GRIA4: variants seen among roughly 807,000 people sequenced by gnomAD.
The protein encoded by GRIA4 is glutamate ionotropic receptor AMPA type subunit 4.
In GRIA4, 34 loss-of-function variants were observed where a neutral mutation model predicts 104.0. The ratio of observed to expected loss-of-function variants is 0.33; its 90% CI spans 0.25 to 0.44. The LOEUF is 0.44. Among genes scored for constraint, GRIA4 ranks in the 20% least tolerant of loss-of-function variants. The pLI, the probability that GRIA4 is intolerant of heterozygous loss-of-function variation, is 1.00. For missense variants in GRIA4, 750 were observed against 1,096.5 expected, an observed-to-expected ratio of 0.68 and a Z score of 4.46; for synonymous variants, 386 against 381.9, an observed-to-expected ratio of 1.01 and a Z score of -0.13.
At chr11:105,876,289 T>G (rs1400726235) in intron 5 of GRIA4, among the ~76,000 whole-genome samples, 1 of 152,186 alleles carries the variant, frequency 6.6e-6, no homozygotes, top group Non-Finnish European at 1.5e-5. Flanking sequence ...CTGTTTGTTA[T>G]GATTTTTGTT....
intron 3 of GRIA4, among the ~76,000 whole-genome samples, chr11:105,743,456 C>T (rs1939448303): frequency 6.6e-6 from 1 of 152,120 alleles, no homozygotes; most frequent in South Asian, 2.1e-4. Flanking sequence ...CCTATTCCTC[C>T]AATAATATCT....
chr11:105,680,994 C>T (rs140688549), intron 3 of GRIA4, among the ~76,000 whole-genome samples: 105 of 152,260 alleles, frequency 6.9e-4, no homozygotes, highest in African/African-American at 2.1e-3. Flanking sequence ...GGGAAGCCCT[C>T]TCTAGAGAGG....
intron 4 of GRIA4, among the ~76,000 whole-genome samples, chr11:105,757,144 A>G (rs1940360324): frequency 6.6e-6 from 1 of 152,204 alleles, no homozygotes; most frequent in African/African-American, 2.4e-5. Flanking sequence ...TGCCTTCATT[A>G]AACCAGATTC....
intron 5 of GRIA4, among the ~76,000 whole-genome samples, chr11:105,883,355 G>A (rs374127817): frequency 1.3e-5 from 2 of 149,916 alleles, no homozygotes; most frequent in Admixed American, 6.7e-5. Flanking sequence ...GTATACATGC[G>A]CCATGTTGGT....
At chr11:105,904,641 T>C (rs1456827467) in intron 8 of GRIA4, among the ~76,000 whole-genome samples, 2 of 152,184 alleles carry the variant, frequency 1.3e-5, no homozygotes, top group Non-Finnish European at 2.9e-5. Context: ...ATTAAGGTAA[T>C]ATATACATAT....
At chr11:105,854,710 G>A (rs1160543699) in intron 4 of GRIA4, among the ~76,000 whole-genome samples, 3 of 152,116 alleles carry the variant, frequency 2.0e-5, no homozygotes, top group Non-Finnish European at 2.9e-5. Flanking sequence ...AATACGAGAT[G>A]TGATTGTGAG....
At chr11:105,836,507 G>C (rs1944193357) in intron 4 of GRIA4, among the ~76,000 whole-genome samples, 1 of 151,990 alleles carries the variant, frequency 6.6e-6, no homozygotes, top group Non-Finnish European at 1.5e-5. Flanking sequence ...TATTCTTTTT[G>C]TCCCTGCCTG....
chr11:105,973,919 C>T (rs756365138), intron 15 of GRIA4, among the ~76,000 whole-genome samples: 3 of 152,062 alleles, frequency 2.0e-5, no homozygotes, highest in Non-Finnish European at 4.4e-5. Context: ...AGCTAAAAGA[C>T]GTCCCCTTTC....
chr11:105,655,298 T>C (rs1951809143), intron 3 of GRIA4, among the ~76,000 whole-genome samples: 1 of 152,192 alleles, frequency 6.6e-6, no homozygotes, highest in Non-Finnish European at 1.5e-5. Flanking sequence ...TTGAAGACTT[T>C]GAGTAGTTAC....
chr11:105,971,799 A>G (rs1196669622), intron 14 of GRIA4, 115 bp from the exon 15 acceptor site: 1 of 635,196 alleles, frequency 1.6e-6, no homozygotes. Context: ...AGTACAAGAC[A>G]TAGCACCTAC....
intron 4 of GRIA4, among the ~76,000 whole-genome samples, chr11:105,812,512 A>G (rs773412917): frequency 2.6e-5 from 4 of 152,132 alleles, no homozygotes; most frequent in Non-Finnish European, 5.9e-5. Context: ...CATAACTTTT[A>G]TGAACCAAAT....
intron 14 of GRIA4, among the ~76,000 whole-genome samples, chr11:105,935,444 G>T (rs1183434931): frequency 2.0e-5 from 3 of 152,092 alleles, no homozygotes; most frequent in Non-Finnish European, 2.9e-5. Context: ...ACTTAAACTG[G>T]CATCAGGTTG....
chr11:105,910,029 G>T (rs596100), intron 9 of GRIA4, among the ~76,000 whole-genome samples: 94,348 of 151,880 alleles, frequency 0.62, 31,380 homozygotes, highest in African/African-American at 0.88. Flanking sequence ...GTTCTTCTTA[G>T]AAATCTGGCT....
At chr11:105,625,449 C>T (rs2135288330) in intron 3 of GRIA4, among the ~76,000 whole-genome samples, 1 of 152,238 alleles carries the variant, frequency 6.6e-6, no homozygotes, top group Non-Finnish European at 1.5e-5. Flanking sequence ...AGGTATCACA[C>T]ATCCTTTTAG....
upstream of GRIA4, chr11:105,610,057 C>G (rs1047761481): frequency 1.3e-5 from 2 of 152,650 alleles, no homozygotes; most frequent in African/African-American, 2.4e-5. Flanking sequence ...GGACCGGAGT[C>G]CCCCGCGCGC....
chr11:105,623,624 C>A (rs529589847), intron 3 of GRIA4, among the ~76,000 whole-genome samples: 2 of 151,948 alleles, frequency 1.3e-5, no homozygotes, highest in Non-Finnish European at 2.9e-5. Context: ...CAGTTATTTG[C>A]CTAACTAGAG....
At chr11:105,688,634 A>G (rs1237980295) in intron 3 of GRIA4, among the ~76,000 whole-genome samples, 2 of 152,208 alleles carry the variant, frequency 1.3e-5, no homozygotes, top group African/African-American at 4.8e-5. Flanking sequence ...TCAACAATAT[A>G]TATTAAGCTA....
chr11:105,630,297 G>T lies in GRIA4; in HGVS notation c.247+17863G>T, dbSNP rs994954914. On this transcript the variant is annotated intron_variant, in intron 3 of 16. Transcript: ENST00000282499. The stretch of plus-strand genomic sequence containing the variant: ...TAACACCCACTAGGCCAGGCACAGT[G>T]GCTCATGCCTGTAATCCCAGCACTT... 2.6e-5 allele frequency among the ~76,000 whole-genome samples: 4 copies of T among 152,326 alleles called. No homozygotes were observed. In the East Asian group the frequency reaches 5.8e-4, roughly 22 times the overall value.
chr11:105,655,576 A>C (rs1591511859), intron 3 of GRIA4, among the ~76,000 whole-genome samples: 2 of 151,766 alleles, frequency 1.3e-5, no homozygotes, highest in South Asian at 4.2e-4. Context: ...CTTATGACTT[A>C]TGTGGTGTTT....
Sources: gnomAD v4.1 joint callset for allele counts (sites outside exome capture counted in the v4.1 genomes callset) on GRCh38, gnomAD v4.1.1 for gene constraint, MANE v1.5 for transcripts, NCBI Gene and HGNC (gene_info 2026-07-23, HGNC 2026-07-21) for gene names.